Variants in MFSD2B observed in about 807,000 individuals in gnomAD.
The protein encoded by MFSD2B is sphingosine-1-phosphate transporter MFSD2B.
Under a neutral mutation model 58.4 loss-of-function variants are expected in MFSD2B, and 56 were observed. The ratio of observed to expected loss-of-function variants is 0.96; its 90% CI spans 0.77 to 1.20. MFSD2B has a LOEUF of 1.20. MFSD2B is among the 50% of genes most tolerant of loss of function. The pLI, the probability that MFSD2B is intolerant of heterozygous loss-of-function variation, is 0.00. For synonymous variants in MFSD2B, 287 were observed against 294.4 expected (o/e 0.97, Z 0.26); for missense variants, 645 against 667.6 (o/e 0.97, Z 0.37).
Position 24,021,883 on chromosome 2 carries a change from T to A in MFSD2B, c.807T>A (p.Ser269Arg), listed in dbSNP as rs745343369. The change falls in exon 8 of 14, where the codon AGT (serine) becomes AGA (arginine). Residue 269 changes from serine (S) to arginine (R), a missense_variant. Transcript: ENST00000338315. The surrounding 1 kb of genome is among the most constrained non-coding windows in gnomAD (Gnocchi z 5.7). The part of the protein sequence containing the change: ...PSAPASGPGL[S>R]FLAGLSLTTR... The stretch of plus-strand genomic sequence containing the variant: ...CCCCAGCCTCAGGCCCAGGCTTGAG[T>A]TTCCTGGCTGGGCTGAGCCTCACTA... 1 of 1,613,888 alleles carries A rather than the reference T, an allele frequency of 6.2e-7. No homozygotes were observed. The highest frequency in any genetic ancestry group is 1.1e-5 in the South Asian group (1 of 91,066).
rs2339938 is a variant in MFSD2B at position 24,012,104 on chromosome 2, T to C, written c.97-1181T>C. On this transcript the variant is annotated intron_variant, in intron 1 of 13. Coordinates refer to ENST00000338315, the MANE Select transcript of MFSD2B (RefSeq NM_001346880.2). This position sits in a 1 kb window ranked among gnomAD's most constrained non-coding sequence, Gnocchi z 4.5. ...TGGAGTTTTATTCAAACTGCAATGG[T>C]ATTGACTGAATACCATGGATCTGGA... Among the ~76,000 whole-genome samples, 109,028 of 150,370 alleles carry C rather than the reference T, an allele frequency of 0.73. 40,171 individuals carry two copies. The highest frequency in any genetic ancestry group is 0.84 in the Admixed American group (12,677 of 15,080).
At position 24,022,939 on chromosome 2, in the gene MFSD2B, G is replaced by C. The variant is rs746432012; in HGVS notation, c.1059+37G>C. On this transcript the variant is annotated intron_variant, in intron 10 of 13. Transcript: ENST00000338315. This position sits in a 1 kb window ranked among gnomAD's most constrained non-coding sequence, Gnocchi z 4.5. The stretch of plus-strand genomic sequence containing the variant: ...GGGAATCAAGGATTGGGGGTGGCCG[G>C]AGGGGAGAGGTGAGCGAGGTGACCT... 4.4e-6 allele frequency: 7 copies of C among 1,576,342 alleles called. No homozygotes were observed. The South Asian group carries it at 8.2e-5, about 18-fold the overall frequency.
intron 3 of MFSD2B, 88 bp downstream of exon 3, chr2:24,016,368 C>T (rs960019749): frequency 5.6e-6 from 8 of 1,426,232 alleles, no homozygotes; most frequent in Non-Finnish European, 6.6e-6. Flanking sequence ...CTAGCAGAAA[C>T]CCACTGGGTG....
At position 24,022,105 on chromosome 2, in the gene MFSD2B, G is replaced by A. The variant is rs146652279; in HGVS notation, c.894+135G>A. Reference sequence around the variant, plus strand: ...CACATGGCTCAGAGGGGCTGGTGCCGGGAGGGAGATCCCGGTAGGGCTTGT... The same window carrying A: ...CACATGGCTCAGAGGGGCTGGTGCCAGGAGGGAGATCCCGGTAGGGCTTGT... On this transcript the variant is annotated intron_variant, in intron 8 of 13. Coordinates refer to ENST00000338315, the MANE Select transcript of MFSD2B (RefSeq NM_001346880.2). This position sits in a 1 kb window ranked among gnomAD's most constrained non-coding sequence, Gnocchi z 4.5. The A allele has an allele frequency of 3.5e-5, 38 of 1,072,002 alleles. No homozygotes were observed. Among genetic ancestry groups the A allele is most frequent in the East Asian group, 2.9e-4 (12 of 42,100 alleles). The allele number at this position is 1,072,002 out of a possible 1,614,324, so 66.4% of individuals were successfully genotyped here.
rs370067208 is a variant in MFSD2B, at chr2:24,023,190, G to A, written c.1120G>A (p.Val374Met). Residue 374 changes from valine (V) to methionine (M), a missense_variant, in exon 11 of 14, where the codon GTG becomes ATG. By Grantham distance (21) the Val-to-Met change is conservative. Coordinates refer to ENST00000338315, the MANE Select transcript of MFSD2B (RefSeq NM_001346880.2). The surrounding 1 kb of genome is among the most constrained non-coding windows in gnomAD (Gnocchi z 5.0). ...GCCCACAGCACCTGTGGCATATGTC[G>A]TGGCCTTTGTATCTGGCGTGAGCAT... ...AVPTAPVAYVVAFVSGVSIAV... is the reference protein window; with the variant it reads ...AVPTAPVAYVMAFVSGVSIAV... 1.2e-5 allele frequency: 19 copies of A among 1,613,494 alleles called. No individual in the cohort carries two copies. The highest frequency in any genetic ancestry group is 6.7e-5 in the Admixed American group (4 of 59,996).
chr2:24,021,660 T>C lies in MFSD2B; in HGVS notation c.694T>C (p.Cys232Arg). The C allele has an allele frequency of 1.2e-6, 2 of 1,613,090 alleles. No individual in the cohort carries two copies. The highest frequency in any genetic ancestry group is 1.7e-6 in the Non-Finnish European group (2 of 1,179,540). The change falls in exon 7 of 14, where the codon TGC becomes CGC. Residue 232 changes from cysteine (C) to arginine (R), a missense_variant. Cys to Arg is a radical substitution (Grantham distance 180). Transcript: ENST00000338315. This position sits in a 1 kb window ranked among gnomAD's most constrained non-coding sequence, Gnocchi z 5.7. ...TVSPNAAHLY[C>R]IAAAVVVVTY... ...TCCTGTCCCACAGGCCCATCTCTACTGCATTGCGGCTGCCGTGGTTGTAGT... is the reference window on the plus strand; with the variant it reads ...TCCTGTCCCACAGGCCCATCTCTACCGCATTGCGGCTGCCGTGGTTGTAGT...
rs2150944004 is a variant in MFSD2B, at chr2:24,025,918, T to G, written c.*462T>G. ...TTTGTATTTTTAGTAGAGACGGGGTTTCACCGTGTTAGCCAGAATGGTTTC... is the reference window on the plus strand; with the variant it reads ...TTTGTATTTTTAGTAGAGACGGGGTGTCACCGTGTTAGCCAGAATGGTTTC... On this transcript the variant is annotated 3_prime_UTR_variant, in exon 14 of 14. Transcript: ENST00000338315. The G allele has an allele frequency of 6.3e-6, 1 of 159,288 alleles. No homozygotes were observed. The highest frequency in any genetic ancestry group is 1.4e-5 in the Non-Finnish European group (1 of 72,202). The allele number at this position is 159,288 out of a possible 1,614,324, so 9.9% of individuals were successfully genotyped here. A position where few individuals can be genotyped will look rare whatever the true frequency, so the allele number is the denominator to read the frequency against.
Position 24,016,828 on chromosome 2 carries a change from C to T in MFSD2B, c.348-17C>T, listed in dbSNP as rs141347145. ...TCTGGGTCGGGGGGCCGCTCCACCT[C>T]GGCTGTGCTTCCGCAGGGTGCTGGG... On this transcript the variant is annotated splice_polypyrimidine_tract_variant and intron_variant, in intron 3 of 13. Coordinates refer to ENST00000338315, the MANE Select transcript of MFSD2B (RefSeq NM_001346880.2). 871 of 1,612,120 alleles carry T rather than the reference C, an allele frequency of 5.4e-4. 6 individuals carry two copies. In the East Asian group the frequency reaches 0.015, roughly 28 times the overall value.
intron 2 of MFSD2B, 139 bp from the exon 3 acceptor site, chr2:24,016,017 A>T: frequency 9.7e-7 from 1 of 1,031,926 alleles, no homozygotes; most frequent in South Asian, 1.4e-5. Context: ...ATCCTGGGGA[A>T]GGCTGAGGAG....
Position 24,026,647 on chromosome 2 carries a change from C to T in MFSD2B, c.*1191C>T, listed in dbSNP as rs1232222510. On this transcript the variant is annotated 3_prime_UTR_variant, in exon 14 of 14. Transcript: ENST00000338315. ...CTAGGTTGGTGAACACATCCATGTA[C>T]CAGGAGGTCTACCCCACTCCACGGG... 2 of 152,306 alleles carry T rather than the reference C, an allele frequency of 1.3e-5. No individual in the cohort carries two copies. Among genetic ancestry groups the T allele is most frequent in the East Asian group, 3.9e-4 (2 of 5,192 alleles). 9.4% of individuals were successfully genotyped at this position (152,306 alleles called of 1,614,324 possible). A position where few individuals can be genotyped will look rare whatever the true frequency, so the allele number is the denominator to read the frequency against.
chr2:24,024,343 T>C lies in MFSD2B; in HGVS notation c.1490+72T>C. 8 of 1,427,472 alleles carry C rather than the reference T, an allele frequency of 5.6e-6. No individual in the cohort carries two copies. Among genetic ancestry groups the C allele is most frequent in the Non-Finnish European group, 7.6e-6 (8 of 1,051,108 alleles). The allele number at this position is 1,427,472 out of a possible 1,614,324, so 88.4% of individuals were successfully genotyped here. On this transcript the variant is annotated intron_variant, in intron 13 of 13. Transcript: ENST00000338315. This position sits in a 1 kb window ranked among gnomAD's most constrained non-coding sequence, Gnocchi z 4.3. Reference sequence around the variant, plus strand: ...GCTGGGGGAATGACTAACACCAGCCTGCAGACATCCCTGCTGTGTCACACA... The same window carrying C: ...GCTGGGGGAATGACTAACACCAGCCCGCAGACATCCCTGCTGTGTCACACA...
intron 2 of MFSD2B, among the ~76,000 whole-genome samples, chr2:24,013,689 C>T (rs751586128): frequency 6.6e-6 from 1 of 151,934 alleles, no homozygotes; most frequent in East Asian, 1.9e-4. Context: ...CTGTCCAACC[C>T]GCGGCGGGAC....
In MFSD2B at chr2:24,021,770, C is replaced by G. The variant is rs1662799428; in HGVS notation, c.772+32C>G. On this transcript the variant is annotated intron_variant, in intron 7 of 13. Coordinates refer to ENST00000338315, the MANE Select transcript of MFSD2B (RefSeq NM_001346880.2). This position sits in a 1 kb window ranked among gnomAD's most constrained non-coding sequence, Gnocchi z 5.7. ...GGTTTGGTGAGGAGGGAAGCAGAAG[C>G]TGGGGGCAGGGCTCTGCTTGGGGGC... The G allele has an allele frequency of 6.2e-7, 1 of 1,612,618 alleles. No homozygotes were observed. The highest frequency in any genetic ancestry group is 8.5e-7 in the Non-Finnish European group (1 of 1,179,262).
Position 24,021,695 on chromosome 2 carries a change from C to G in MFSD2B, c.729C>G (p.Pro243=). 1 of 1,613,612 alleles carries G rather than the reference C, an allele frequency of 6.2e-7. No homozygotes were observed. Among genetic ancestry groups the G allele is most frequent in the Non-Finnish European group, 8.5e-7 (1 of 1,179,746 alleles). The part of the protein sequence containing the change: ...IAAAVVVVTY[P]VCISLLCLGV... ...CTGCCGTGGTTGTAGTGACTTACCC[C>G]GTGTGCATCAGTTTACTGTGCCTAG... Residue 243 remains proline, a synonymous_variant, in exon 7 of 14, where the codon CCC becomes CCG. Transcript: ENST00000338315. The surrounding 1 kb of genome is among the most constrained non-coding windows in gnomAD (Gnocchi z 5.7).
In MFSD2B at chr2:24,012,175, C is replaced by CA. The variant is rs1178333253; in HGVS notation, c.97-1109dup. Reference sequence around the variant, plus strand: ...AAACACACACACACACACACACACACACACAAAAACAGACAAAAAAACCCT... The same window carrying CA: ...AAACACACACACACACACACACACACAACACAAAAACAGACAAAAAAACCCT... On this transcript the variant is annotated intron_variant, in intron 1 of 13. Transcript: ENST00000338315. This position sits in a 1 kb window ranked among gnomAD's most constrained non-coding sequence, Gnocchi z 4.5. 2.8e-5 allele frequency among the ~76,000 whole-genome samples: 4 copies of CA among 140,446 alleles called. No individual in the cohort carries two copies. The highest frequency in any genetic ancestry group is 1.1e-4 in the African/African-American group (4 of 37,646). 92.1% of individuals were successfully genotyped at this position (140,446 alleles called of 152,430 possible). A position where few individuals can be genotyped will look rare whatever the true frequency, so the allele number is the denominator to read the frequency against.
In MFSD2B at chr2:24,017,623, G is replaced by A; in HGVS notation, c.681+35G>A. 1 of 1,523,898 alleles carries A rather than the reference G, an allele frequency of 6.6e-7. No individual in the cohort carries two copies. Among genetic ancestry groups the A allele is most frequent in the Non-Finnish European group, 8.8e-7 (1 of 1,131,854 alleles). 94.4% of individuals were successfully genotyped at this position (1,523,898 alleles called of 1,614,324 possible). A position where few individuals can be genotyped will look rare whatever the true frequency, so the allele number is the denominator to read the frequency against. On this transcript the variant is annotated intron_variant, in intron 6 of 13. Coordinates refer to ENST00000338315, the MANE Select transcript of MFSD2B (RefSeq NM_001346880.2). This position sits in a 1 kb window ranked among gnomAD's most constrained non-coding sequence, Gnocchi z 4.8. Reference sequence around the variant, plus strand: ...CTGGGTGGCAAGGCCCCCCAACCTGGGGTCCCCTCTGCAGGGTCACCTCCT... The same window carrying A: ...CTGGGTGGCAAGGCCCCCCAACCTGAGGTCCCCTCTGCAGGGTCACCTCCT...
chr2:24,023,076 G>A lies in MFSD2B; in HGVS notation c.1060-54G>A, dbSNP rs954330254. ...CGTCAGTCGAGTCGTGTGTGAAGGA[G>A]CAGGCCCCACGAAGAAGCAGGTGGC... On this transcript the variant is annotated intron_variant, in intron 10 of 13. Transcript: ENST00000338315. The surrounding 1 kb of genome is among the most constrained non-coding windows in gnomAD (Gnocchi z 5.0). 17 of 1,477,790 alleles carry A rather than the reference G, an allele frequency of 1.2e-5. No homozygotes were observed. The highest frequency in any genetic ancestry group is 1.4e-5 in the Non-Finnish European group (15 of 1,061,512). 91.5% of individuals were successfully genotyped at this position (1,477,790 alleles called of 1,614,324 possible).
chr2:24,024,123 A>C lies in MFSD2B; in HGVS notation c.1342A>C (p.Lys448Gln). 1 of 1,613,828 alleles carries C rather than the reference A, an allele frequency of 6.2e-7. No individual in the cohort carries two copies. Among genetic ancestry groups the C allele is most frequent in the Non-Finnish European group, 8.5e-7 (1 of 1,179,822 alleles). Residue 448 changes from lysine (K) to glutamine (Q), a missense_variant, in exon 13 of 14, where the codon AAG (lysine) becomes CAG (glutamine). Physicochemically the swap from Lys to Gln is moderately conservative, Grantham distance 53 (BLOSUM62 1). Coordinates refer to ENST00000338315, the MANE Select transcript of MFSD2B (RefSeq NM_001346880.2). This position sits in a 1 kb window ranked among gnomAD's most constrained non-coding sequence, Gnocchi z 4.3. Reference protein sequence around the residue: ...EFSGYKAGVCKQAEEVVVTLK... With the variant: ...EFSGYKAGVCQQAEEVVVTLK... The stretch of plus-strand genomic sequence containing the variant: ...CTCGGGGTATAAGGCAGGGGTCTGC[A>C]AGCAAGCAGAGGAGGTGGTGGTCAC...
intron 1 of MFSD2B, among the ~76,000 whole-genome samples, chr2:24,011,007 G>A (rs1255580321): frequency 1.3e-5 from 2 of 152,224 alleles, no homozygotes; most frequent in Admixed American, 6.5e-5. Context: ...ACAGCAAGAG[G>A]GAAACACTCG....
Sources: allele counts gnomAD v4.1 joint callset (sites outside exome capture counted in the v4.1 genomes callset), GRCh38; gene constraint gnomAD v4.1.1; non-coding constraint Gnocchi (gnomAD v3.1); transcripts MANE v1.5; gene names NCBI Gene and HGNC (gene_info 2026-07-23, HGNC 2026-07-21).